AGPAT3: variants seen among roughly 807,000 people sequenced by gnomAD.
AGPAT3 encodes 1-acyl-sn-glycerol-3-phosphate acyltransferase gamma.
AGPAT3 carries 5 observed loss-of-function variants against 47.3 expected under a neutral mutation model. The ratio of observed to expected loss-of-function variants is 0.11; its 90% CI spans 0.06 to 0.22. AGPAT3 has a LOEUF of 0.22. Among genes scored for constraint, AGPAT3 ranks in the 10% least tolerant of loss-of-function variants. AGPAT3 has a pLI of 1.00. For missense variants in AGPAT3, 315 were observed against 493.0 expected, an observed-to-expected ratio of 0.64 and a Z score of 3.42; for synonymous variants, 212 against 208.3, an observed-to-expected ratio of 1.02 and a Z score of -0.15.
intron 7 of AGPAT3, among the ~76,000 whole-genome samples, chr21:43,971,905 A>C (rs1428766347): frequency 6.6e-6 from 1 of 151,950 alleles, no homozygotes; most frequent in African/African-American, 2.4e-5. Flanking sequence ...TGGGCTCCAT[A>C]AGTCTCCTGG....
At chr21:43,931,020 G>C (rs570702429) in intron 2 of AGPAT3, among the ~76,000 whole-genome samples, 42 of 152,320 alleles carry the variant, frequency 2.8e-4, no homozygotes, top group Middle Eastern at 3.4e-3. Flanking sequence ...CAGGGACTCA[G>C]CGTGGGGCCC....
At chr21:43,936,788 G>A (rs377365080) in intron 2 of AGPAT3, among the ~76,000 whole-genome samples, 3 of 152,352 alleles carry the variant, frequency 2.0e-5, no homozygotes, top group African/African-American at 4.8e-5. Context: ...TGGCTCTCCC[G>A]TGTCAGCTCC....
intron 2 of AGPAT3, among the ~76,000 whole-genome samples, chr21:43,943,282 G>A (rs914545214): frequency 5.9e-5 from 9 of 152,242 alleles, no homozygotes; most frequent in East Asian, 1.9e-4. Context: ...CACCGTGTTA[G>A]CCAGGATGAT....
intron 2 of AGPAT3, among the ~76,000 whole-genome samples, chr21:43,943,117 C>T (rs1422179386): frequency 6.6e-6 from 1 of 152,124 alleles, no homozygotes; most frequent in Non-Finnish European, 1.5e-5. Context: ...CTCTGTCGCT[C>T]AGGCTGGAGT....
Position 43,939,952 on chromosome 21 carries a change from A to G in AGPAT3, c.-48-19682A>G, listed in dbSNP as rs935085876. On this transcript the variant is annotated intron_variant, in intron 2 of 9. Transcript: ENST00000291572. The surrounding 1 kb of genome is among the most constrained non-coding windows in gnomAD (Gnocchi z 4.4). ...GACGGCAGAGCCCGCAGCTGTGCGC[A>G]GGAGGACGAACCTGTGTGTATGTCC... is the stretch of plus-strand genomic sequence containing the variant. Among the ~76,000 whole-genome samples the G allele has an allele frequency of 6.6e-6, 1 of 152,228 alleles. No individual in the cohort carries two copies. The highest frequency in any genetic ancestry group is 1.5e-5 in the Non-Finnish European group (1 of 68,032).
intron 7 of AGPAT3, among the ~76,000 whole-genome samples, chr21:43,975,239 G>T (rs9981726): frequency 0.024 from 2,115 of 89,152 alleles, 50 homozygotes; most frequent in African/African-American, 0.066. Flanking sequence ...TAATGTTTTG[G>T]TGTGTGCTGG....
chr21:43,953,872 G>A (rs976881525), intron 2 of AGPAT3, among the ~76,000 whole-genome samples: 1 of 152,228 alleles, frequency 6.6e-6, no homozygotes, highest in South Asian at 2.1e-4. Context: ...AGTGGCTCAT[G>A]CCTGTAATCC....
Position 43,929,222 on chromosome 21 carries a change from G to A in AGPAT3, c.-49+25203G>A, listed in dbSNP as rs7276175. The stretch of plus-strand genomic sequence containing the variant: ...AGCAGGGCATGTACAGCCGTGTGGC[G>A]GCAGCAACAGCGTAAGATGGTTCCG... On this transcript the variant is annotated intron_variant, in intron 2 of 9. Transcript: ENST00000291572. Among the ~76,000 whole-genome samples, 863 of 152,308 alleles carry A rather than the reference G, an allele frequency of 5.7e-3. 9 individuals are homozygous for A. The highest frequency in any genetic ancestry group is 0.019 in the African/African-American group (808 of 41,562).
In AGPAT3 at chr21:43,982,554, T is replaced by G; in HGVS notation, c.*162T>G. 3.7e-6 allele frequency: 2 copies of G among 543,306 alleles called. No homozygotes were observed. The highest frequency in any genetic ancestry group is 3.2e-6 in the Non-Finnish European group (1 of 309,348). The allele number at this position is 543,306 out of a possible 1,614,324, so 33.7% of individuals were successfully genotyped here. A position where few individuals can be genotyped will look rare whatever the true frequency, so the allele number is the denominator to read the frequency against. On this transcript the variant is annotated 3_prime_UTR_variant, in exon 10 of 10. Coordinates refer to ENST00000291572, the MANE Select transcript of AGPAT3 (RefSeq NM_020132.5). The surrounding 1 kb of genome is among the most constrained non-coding windows in gnomAD (Gnocchi z 6.2). ...CCAAGAGTAAAGAATTCAGAAGGCC[T>G]GTCAGGTGAAGTCTTCAGCCTCCCA... is the stretch of plus-strand genomic sequence containing the variant.
intron 2 of AGPAT3, among the ~76,000 whole-genome samples, chr21:43,924,558 T>A (rs544252312): frequency 1.6e-4 from 24 of 152,332 alleles, no homozygotes; most frequent in African/African-American, 5.8e-4. Context: ...ATCTTCCTCC[T>A]GTTAGCAATC....
Position 43,969,203 on chromosome 21 carries a change from A to C in AGPAT3, c.434A>C (p.Lys145Thr), listed in dbSNP as rs1297177950. Residue 145 changes from lysine (K) to threonine (T), a missense_variant, in exon 5 of 10, where the codon AAG becomes ACG. Coordinates refer to ENST00000291572, the MANE Select transcript of AGPAT3 (RefSeq NM_020132.5). Reference protein sequence around the residue: ...TWYFLEIVFCKRKWEEDRDTV... With the variant: ...TWYFLEIVFCTRKWEEDRDTV... ...TACTTTCTGGAGATTGTGTTCTGCA[A>C]GCGGAAGTGGGAGGAGGACCGGGAC... The C allele has an allele frequency of 2.5e-6, 4 of 1,614,184 alleles. No homozygotes were observed. Among genetic ancestry groups the C allele is most frequent in the Non-Finnish European group, 3.4e-6 (4 of 1,180,014 alleles).
intron 1 of AGPAT3, among the ~76,000 whole-genome samples, chr21:43,890,660 G>A (rs1292326238): frequency 2.0e-5 from 3 of 149,862 alleles, no homozygotes; most frequent in African/African-American, 4.9e-5. Flanking sequence ...CCATCCACCC[G>A]CCTCGGCCTC....
intron 1 of AGPAT3, 129 bp from the exon 2 acceptor site, chr21:43,903,828 G>GTTAAT (rs1420767554): frequency 6.6e-6 from 1 of 152,336 alleles, no homozygotes; most frequent in African/African-American, 2.4e-5. Flanking sequence ...GGGAAAGGAT[G>GTTAAT]TTAATGCGTG....
At chr21:43,940,294 G>A (rs2146359912) in intron 2 of AGPAT3, among the ~76,000 whole-genome samples, 1 of 152,386 alleles carries the variant, frequency 6.6e-6, no homozygotes, top group Non-Finnish European at 1.5e-5. Flanking sequence ...GATCTGTGTG[G>A]CCCTGCTGGC....
intron 7 of AGPAT3, among the ~76,000 whole-genome samples, chr21:43,975,155 T>C (rs1270076436): frequency 5.3e-5 from 8 of 151,512 alleles, no homozygotes; most frequent in African/African-American, 1.9e-4. Context: ...TGTCGAGGTG[T>C]GCTGGTGTGT....
chr21:43,886,543 C>T (rs528172932), intron 1 of AGPAT3, among the ~76,000 whole-genome samples: 10 of 152,334 alleles, frequency 6.6e-5, no homozygotes, highest in Admixed American at 4.6e-4. Context: ...TGAGCCATCA[C>T]ACCTGGCCAA....
intron 2 of AGPAT3, among the ~76,000 whole-genome samples, chr21:43,917,544 CAA>C (rs2086759068): frequency 6.6e-6 from 1 of 152,196 alleles, no homozygotes; most frequent in African/African-American, 2.4e-5. Context: ...GTCCAATTAA[CAA>C]GAGCACGTCG....
rs1300515332 is a variant in AGPAT3, at chr21:43,961,237, AC to A, written c.178+1379del. ...GGAGTGGGGAAAGGAGGGGATTCTT[AC>A]GTTTTATTTCACACTCTCATGCTGT... On this transcript the variant is annotated intron_variant, in intron 3 of 9. Coordinates refer to ENST00000291572, the MANE Select transcript of AGPAT3 (RefSeq NM_020132.5). Among the ~76,000 whole-genome samples the A allele has an allele frequency of 5.9e-5, 9 of 152,188 alleles. No individual in the cohort carries two copies. The South Asian group carries it at 1.5e-3, about 25-fold the overall frequency.
Position 43,922,999 on chromosome 21 carries a change from G to A in AGPAT3, c.-49+18980G>A, listed in dbSNP as rs971384777. Among the ~76,000 whole-genome samples the A allele has an allele frequency of 1.3e-5, 2 of 152,152 alleles. No homozygotes were observed. Among genetic ancestry groups the A allele is most frequent in the Non-Finnish European group, 2.9e-5 (2 of 68,012 alleles). ...TTTCTTTCTCCCCATGCTCACACGGGGTTTTTAGACTTTGTGAAGGGTGTG... is the reference window on the plus strand; with the variant it reads ...TTTCTTTCTCCCCATGCTCACACGGAGTTTTTAGACTTTGTGAAGGGTGTG... On this transcript the variant is annotated intron_variant, in intron 2 of 9. Transcript: ENST00000291572. The surrounding 1 kb of genome is among the most constrained non-coding windows in gnomAD (Gnocchi z 4.9).
Sources: allele counts gnomAD v4.1 joint callset (sites outside exome capture counted in the v4.1 genomes callset), GRCh38; gene constraint gnomAD v4.1.1; non-coding constraint Gnocchi (gnomAD v3.1); transcripts MANE v1.5; gene names NCBI Gene and HGNC (gene_info 2026-07-23, HGNC 2026-07-21).